KIAA1549L: variants seen among roughly 807,000 people sequenced by gnomAD.
The protein encoded by KIAA1549L is UPF0606 protein KIAA1549L.
KIAA1549L carries 88 observed loss-of-function variants against 160.7 expected under a neutral mutation model. The ratio of observed to expected loss-of-function variants is 0.55; its 90% CI spans 0.46 to 0.65. The LOEUF (loss-of-function observed/expected upper bound fraction) is 0.65. KIAA1549L is among the 30% of genes least tolerant of loss of function. The pLI, the probability that KIAA1549L is intolerant of heterozygous loss-of-function variation, is 0.00. For missense variants in KIAA1549L, 2,258 were observed against 2,437.5 expected (o/e 0.93, Z 1.55); for synonymous variants, 950 against 976.7 (o/e 0.97, Z 0.51).
chr11:33,505,870 T>C (rs1312495485), intron 1 of KIAA1549L, among the ~76,000 whole-genome samples: 1 of 152,240 alleles, frequency 6.6e-6, no homozygotes. Context: ...ATTCTAATGT[T>C]ATACGATAAT....
rs1012178917 is a variant in KIAA1549L at position 33,520,158 on chromosome 11, A to G, written c.239-21644A>G. Among the ~76,000 whole-genome samples the G allele has an allele frequency of 2.6e-5, 4 of 151,888 alleles. No homozygotes were observed. In the South Asian group the frequency reaches 8.7e-4, roughly 33 times the overall value. On this transcript the variant is annotated intron_variant, in intron 1 of 20. Coordinates refer to ENST00000658780, the MANE Select transcript of KIAA1549L (RefSeq NM_012194.3). ...TGTGGTAAGAGCACATAACATAAAGATCTAGCGAATTTTTAAGCATACAAT... is the reference window on the plus strand; with the variant it reads ...TGTGGTAAGAGCACATAACATAAAGGTCTAGCGAATTTTTAAGCATACAAT...
intron 10 of KIAA1549L, among the ~76,000 whole-genome samples, chr11:33,578,528 TAG>T (rs1395421835): frequency 6.6e-6 from 1 of 152,232 alleles, no homozygotes; most frequent in African/African-American, 2.4e-5. Context: ...ACATTGTAAT[TAG>T]AGTCATTGTA....
intron 1 of KIAA1549L, among the ~76,000 whole-genome samples, chr11:33,538,102 A>G (rs1428410042): frequency 9.9e-5 from 15 of 152,186 alleles, no homozygotes. Context: ...GAAGCAAGGC[A>G]CCTTCTTCAC....
In KIAA1549L at chr11:33,376,864, C is replaced by T. The variant is rs1017586380; in HGVS notation, c.213C>T (p.Leu71=). ...TGGGACTTCTGCTGCTGGCGGCCCTCCTGGAGCACGGCCAGGCCGACCCGG... is the reference window on the plus strand; with the variant it reads ...TGGGACTTCTGCTGCTGGCGGCCCTTCTGGAGCACGGCCAGGCCGACCCGG... ...LLLGLLLLAA[L]LEHGQADPGT... Residue 71 remains leucine (L), a synonymous_variant, in exon 1 of 21, where the codon CTC becomes CTT. Coordinates refer to ENST00000658780, the MANE Select transcript of KIAA1549L (RefSeq NM_012194.3). This position sits in a 1 kb window ranked among gnomAD's most constrained non-coding sequence, Gnocchi z 5.8. The T allele has an allele frequency of 2.0e-5, 3 of 152,482 alleles. No homozygotes were observed. The highest frequency in any genetic ancestry group is 7.2e-5 in the African/African-American group (3 of 41,458). The allele number at this position is 152,482 out of a possible 1,614,324, so 9.4% of individuals were successfully genotyped here.
intron 1 of KIAA1549L, among the ~76,000 whole-genome samples, chr11:33,440,377 G>A (rs1187745340): frequency 3.3e-5 from 5 of 151,638 alleles, no homozygotes; most frequent in African/African-American, 9.7e-5. Context: ...TGATCCGCCC[G>A]CCTCGGCCTC....
intron 19 of KIAA1549L, among the ~76,000 whole-genome samples, chr11:33,659,340 C>T (rs1325857362): frequency 6.6e-6 from 1 of 152,142 alleles, no homozygotes; most frequent in Admixed American, 6.5e-5. Flanking sequence ...TAAATGATAT[C>T]ATGGCATACA....
At chr11:33,386,326 G>T (rs982157155) in intron 1 of KIAA1549L, among the ~76,000 whole-genome samples, 11 of 152,066 alleles carry the variant, frequency 7.2e-5, no homozygotes, top group African/African-American at 2.7e-4. Flanking sequence ...CTTTCTCTTT[G>T]TCTATTGAGA....
At chr11:33,444,740 A>T (rs1565139973) in intron 1 of KIAA1549L, among the ~76,000 whole-genome samples, 1 of 152,246 alleles carries the variant, frequency 6.6e-6, no homozygotes, top group Non-Finnish European at 1.5e-5. Context: ...CTCTGCAAAA[A>T]AGAGAGAAAT....
At chr11:33,386,488 C>T (rs1172809204) in intron 1 of KIAA1549L, among the ~76,000 whole-genome samples, 3 of 152,070 alleles carry the variant, frequency 2.0e-5, no homozygotes, top group African/African-American at 7.2e-5. Context: ...CGAAACCAGC[C>T]TGGCCAACAT....
intron 1 of KIAA1549L, among the ~76,000 whole-genome samples, chr11:33,386,655 C>T (rs574839118): frequency 6.6e-6 from 1 of 152,186 alleles, no homozygotes; most frequent in African/African-American, 2.4e-5. Flanking sequence ...TGCACTCCAG[C>T]CTGGGTGACA....
intron 16 of KIAA1549L, among the ~76,000 whole-genome samples, chr11:33,631,393 C>T (rs1413091924): frequency 6.6e-6 from 1 of 152,220 alleles, no homozygotes; most frequent in African/African-American, 2.4e-5. Flanking sequence ...CCTGGAATCT[C>T]CCTTCCCACC....
At chr11:33,533,811 C>T (rs1293376607) in intron 1 of KIAA1549L, among the ~76,000 whole-genome samples, 1 of 152,218 alleles carries the variant, frequency 6.6e-6, no homozygotes, top group South Asian at 2.1e-4. Flanking sequence ...ATCTTGCTTG[C>T]TTTCACCCTT....
intron 1 of KIAA1549L, among the ~76,000 whole-genome samples, chr11:33,476,955 A>G (rs1351519908): frequency 6.6e-6 from 1 of 152,178 alleles, no homozygotes; most frequent in East Asian, 1.9e-4. Context: ...TGGCACCTGT[A>G]AGAGTATTAG....
intron 1 of KIAA1549L, among the ~76,000 whole-genome samples, chr11:33,498,634 C>G (rs567858028): frequency 6.6e-5 from 10 of 152,204 alleles, no homozygotes; most frequent in Non-Finnish European, 1.5e-4. Flanking sequence ...CTTTTAAAGC[C>G]TGGGATCAGA....
chr11:33,628,132 G>T (rs12278568), intron 16 of KIAA1549L, among the ~76,000 whole-genome samples: 4,852 of 151,366 alleles, frequency 0.032, 257 homozygotes, highest in African/African-American at 0.1. Context: ...TAGTTTGATT[G>T]CACTGTGGTC....
At chr11:33,638,404 T>TGCA (rs1851495167) in intron 16 of KIAA1549L, among the ~76,000 whole-genome samples, 2 of 149,614 alleles carry the variant, frequency 1.3e-5, no homozygotes, top group Non-Finnish European at 1.5e-5. Context: ...TCTATGTTAT[T>TGCA]TTATTCTCTA....
chr11:33,666,242 A>G (rs1455858359), intron 20 of KIAA1549L, among the ~76,000 whole-genome samples: 1 of 151,996 alleles, frequency 6.6e-6, no homozygotes, highest in Non-Finnish European at 1.5e-5. Flanking sequence ...CATCCAGGGG[A>G]GCTCCTGCTC....
intron 20 of KIAA1549L, among the ~76,000 whole-genome samples, chr11:33,661,832 A>G (rs1852269844): frequency 6.8e-6 from 1 of 147,266 alleles, no homozygotes; most frequent in African/African-American, 2.5e-5. Context: ...GTGAGCCAAG[A>G]TCGCGCCACT....
chr11:33,377,833 GC>G (rs1465461811), intron 1 of KIAA1549L, among the ~76,000 whole-genome samples: 1 of 152,142 alleles, frequency 6.6e-6, no homozygotes, highest in Non-Finnish European at 1.5e-5. Context: ...TTGTAAAGGG[GC>G]TGACATTGTT....
Sources: allele counts gnomAD v4.1 joint callset (sites outside exome capture counted in the v4.1 genomes callset), GRCh38; gene constraint gnomAD v4.1.1; non-coding constraint Gnocchi (gnomAD v3.1); transcripts MANE v1.5; gene names NCBI Gene and HGNC (gene_info 2026-07-23, HGNC 2026-07-21).